CLASP2: variants seen among roughly 807,000 people sequenced by gnomAD.
CLASP2 encodes the protein CLIP-associating protein 2.
In CLASP2, 47 loss-of-function variants were observed where a neutral mutation model predicts 194.4. The observed-to-expected ratio is 0.24, with a 90% CI of 0.19 to 0.31. The LOEUF (loss-of-function observed/expected upper bound fraction) is 0.31, where lower values mean the gene tolerates loss of function less well. CLASP2 is among the 10% of genes least tolerant of loss of function. The probability of loss-of-function intolerance (pLI) is 1.00; values close to 1 mark genes in which losing one functional copy is unlikely to be tolerated. For synonymous variants in CLASP2, 619 were observed against 633.5 expected (o/e 0.98, Z 0.34); for missense variants, 1,445 against 1,823.6 (o/e 0.79, Z 3.78).
intron 20 of CLASP2, among the ~76,000 whole-genome samples, chr3:33,593,988 A>C (rs1375390828): frequency 6.6e-6 from 1 of 151,932 alleles, no homozygotes; most frequent in African/African-American, 2.4e-5. Context: ...GGACTATAGG[A>C]CGGTGCCACC....
chr3:33,597,538 T>C (rs1411040271), intron 18 of CLASP2, among the ~76,000 whole-genome samples: 2 of 152,122 alleles, frequency 1.3e-5, no homozygotes, highest in South Asian at 2.1e-4. Flanking sequence ...CTGCAAACAG[T>C]GTGGTTTATG....
At chr3:33,545,432 G>A (rs1279754831) in intron 30 of CLASP2, among the ~76,000 whole-genome samples, 1 of 152,132 alleles carries the variant, frequency 6.6e-6, no homozygotes, top group Non-Finnish European at 1.5e-5. Context: ...ATCCAAATCT[G>A]CACACTTCAT....
intron 5 of CLASP2, among the ~76,000 whole-genome samples, chr3:33,685,637 A>G (rs2090567342): frequency 6.6e-6 from 1 of 152,216 alleles, no homozygotes; most frequent in African/African-American, 2.4e-5. Flanking sequence ...AAAAGAAGGG[A>G]AGGAAATTCT....
chr3:33,676,780 G>A (rs1383936422), intron 6 of CLASP2, among the ~76,000 whole-genome samples: 3 of 152,176 alleles, frequency 2.0e-5, no homozygotes, highest in African/African-American at 4.8e-5. Flanking sequence ...TACAAAATGG[G>A]AGAAAATTTT....
intron 7 of CLASP2, among the ~76,000 whole-genome samples, chr3:33,649,771 T>C (rs950060420): frequency 1.3e-5 from 2 of 152,164 alleles, no homozygotes; most frequent in African/African-American, 2.4e-5. Context: ...TATTTTCCTA[T>C]AGTCAATTCC....
chr3:33,687,404 A>G (rs2090814157), intron 4 of CLASP2, among the ~76,000 whole-genome samples: 1 of 152,242 alleles, frequency 6.6e-6, no homozygotes, highest in Non-Finnish European at 1.5e-5. Flanking sequence ...AAAATGTTCA[A>G]CAATGGCACT....
At chr3:33,605,315 A>T (rs1283224984) in intron 16 of CLASP2, among the ~76,000 whole-genome samples, 4 of 152,176 alleles carry the variant, frequency 2.6e-5, no homozygotes, top group African/African-American at 7.2e-5. Flanking sequence ...CAACAAAGAC[A>T]GCTCATTTCA....
At chr3:33,707,918 C>T (rs546746277) in intron 1 of CLASP2, among the ~76,000 whole-genome samples, 7 of 152,202 alleles carry the variant, frequency 4.6e-5, no homozygotes, top group African/African-American at 1.2e-4. Flanking sequence ...CTCACAAAGG[C>T]GTTACATCCT....
chr3:33,561,093 C>T (rs151141295), intron 27 of CLASP2, 122 bp from the exon 28 acceptor site: 8,290 of 782,894 alleles, frequency 0.011, 73 homozygotes, highest in South Asian at 0.024. Context: ...GGCAGCCAAG[C>T]GGAAAAACAA....
chr3:33,563,655 C>T (rs554675484), intron 27 of CLASP2, among the ~76,000 whole-genome samples: 5 of 152,288 alleles, frequency 3.3e-5, no homozygotes, highest in African/African-American at 9.6e-5. Flanking sequence ...TAAGCATGGC[C>T]GTGTGTCAAT....
chr3:33,607,149 A>G (rs2074047950), intron 15 of CLASP2, among the ~76,000 whole-genome samples: 1 of 152,222 alleles, frequency 6.6e-6, no homozygotes, highest in Admixed American at 6.5e-5. Context: ...CTTTTTATTC[A>G]TGATGAAAGT....
chr3:33,602,290 T>C (rs911518223), intron 18 of CLASP2: 3 of 479,470 alleles, frequency 6.3e-6, no homozygotes, highest in African/African-American at 2.0e-5. Context: ...TTGAGTGTCA[T>C]GTTGGTGCTC....
At chr3:33,581,373 T>A (rs1426506652) in intron 23 of CLASP2, among the ~76,000 whole-genome samples, 1 of 152,194 alleles carries the variant, frequency 6.6e-6, no homozygotes, top group African/African-American at 2.4e-5. Context: ...TAATAAGTAG[T>A]TCAGATGTTA....
intron 24 of CLASP2, among the ~76,000 whole-genome samples, chr3:33,573,825 T>A (rs1268288435): frequency 6.6e-6 from 1 of 152,130 alleles, no homozygotes. Context: ...TATTCTCCTT[T>A]TACCTCCATT....
intron 4 of CLASP2, 124 bp downstream of exon 4, chr3:33,688,153 G>A (rs766368197): frequency 8.0e-6 from 5 of 621,142 alleles, no homozygotes; most frequent in Admixed American, 7.2e-5. Flanking sequence ...GGTATCAAAT[G>A]AAGTTATATG....
chr3:33,638,774 T>C (rs746259103), intron 8 of CLASP2, among the ~76,000 whole-genome samples: 2 of 152,230 alleles, frequency 1.3e-5, no homozygotes, highest in Admixed American at 6.5e-5. Context: ...CATGCAGTTA[T>C]TGTAACTTCT....
At chr3:33,543,576 A>G (rs1459086025) in intron 31 of CLASP2, 37 bp from the exon 32 acceptor site, 1 of 1,297,786 alleles carries the variant, frequency 7.7e-7, no homozygotes, top group Admixed American at 1.7e-5. Context: ...AACATATTAC[A>G]GGTAAGTTCA....
In CLASP2 at chr3:33,560,988, G is replaced by A. The variant is rs772341970; in HGVS notation, c.2767-17C>T. ...GCTGAATACCTACAGTTGATAAAGG[G>A]GAGAGGTAGGGAGAAAAAAAGAGGA... On this transcript the variant is annotated splice_polypyrimidine_tract_variant and intron_variant, in intron 27 of 38. Coordinates refer to ENST00000682230, the MANE Select transcript of CLASP2 (RefSeq NM_001365631.1). 11 of 1,604,474 alleles carry A rather than the reference G, an allele frequency of 6.9e-6. No homozygotes were observed. The South Asian group carries it at 1.1e-4, about 16-fold the overall frequency.
intron 34 of CLASP2, among the ~76,000 whole-genome samples, chr3:33,528,040 T>C (rs1237122558): frequency 6.6e-6 from 1 of 152,084 alleles, no homozygotes; most frequent in African/African-American, 2.4e-5. Flanking sequence ...TGCAAAATCC[T>C]CAAGAAAATA....
Sources: allele counts gnomAD v4.1 joint callset (sites outside exome capture counted in the v4.1 genomes callset), GRCh38; gene constraint gnomAD v4.1.1; transcripts MANE v1.5; gene names NCBI Gene and HGNC (gene_info 2026-07-23, HGNC 2026-07-21).